The following KCNQ5 variants were observed in gnomAD, a reference collection of about 807,000 sequenced individuals.
The protein encoded by KCNQ5 is potassium voltage-gated channel subfamily KQT member 5.
Under a neutral mutation model 98.2 loss-of-function variants are expected in KCNQ5, and 30 were observed. That is an observed-to-expected ratio of 0.31 (90% CI 0.23 to 0.41). The LOEUF is 0.41. Among genes scored for constraint, KCNQ5 ranks in the 10% least tolerant of loss-of-function variants. The pLI, the probability that KCNQ5 is intolerant of heterozygous loss-of-function variation, is 1.00. For missense variants in KCNQ5, 835 were observed against 1,182.5 expected (o/e 0.71, Z 4.31); for synonymous variants, 458 against 449.4 (o/e 1.02, Z -0.24).
At chr6:72,875,915 A>G (rs750831563) in intron 1 of KCNQ5, among the ~76,000 whole-genome samples, 7 of 151,928 alleles carry the variant, frequency 4.6e-5, no homozygotes, top group Non-Finnish European at 8.8e-5. Context: ...TTACATTTCT[A>G]TATTTTTATT....
At chr6:72,923,884 A>G (rs757200006) in intron 1 of KCNQ5, among the ~76,000 whole-genome samples, 3 of 152,174 alleles carry the variant, frequency 2.0e-5, no homozygotes, top group Non-Finnish European at 4.4e-5. Context: ...CATTTGAGTT[A>G]TACAATATTT....
Position 72,887,298 on chromosome 6 carries a change from A to T in KCNQ5, c.399-116610A>T, listed in dbSNP as rs9442864. On this transcript the variant is annotated intron_variant, in intron 1 of 13. Transcript: ENST00000370398. ...ACATCTTACTTGGATGGCAGCAGGC[A>T]AAGAGAGAACTTGTGCAGGGAAACT... Among the ~76,000 whole-genome samples, 815 of 152,270 alleles carry T rather than the reference A, an allele frequency of 5.4e-3. 8 individuals are homozygous for T. The highest frequency in any genetic ancestry group is 0.019 in the African/African-American group (783 of 41,550).
intron 1 of KCNQ5, among the ~76,000 whole-genome samples, chr6:72,925,040 G>T (rs2150222295): frequency 6.6e-6 from 1 of 152,200 alleles, no homozygotes; most frequent in South Asian, 2.1e-4. Flanking sequence ...TCATAAAAAT[G>T]TTTATGTTTA....
At chr6:73,137,230 G>A (rs1374476922) in intron 10 of KCNQ5, among the ~76,000 whole-genome samples, 2 of 151,998 alleles carry the variant, frequency 1.3e-5, no homozygotes, top group African/African-American at 2.4e-5. Flanking sequence ...AATATCCATG[G>A]CATTTTTCTC....
chr6:72,630,795 A>C (rs1439981775), intron 1 of KCNQ5, among the ~76,000 whole-genome samples: 1 of 152,204 alleles, frequency 6.6e-6, no homozygotes, highest in Non-Finnish European at 1.5e-5. Flanking sequence ...TTTATATGAT[A>C]AAGGTCTAGG....
At chr6:73,189,731 T>A (rs1582511568) in intron 11 of KCNQ5, among the ~76,000 whole-genome samples, 1 of 152,256 alleles carries the variant, frequency 6.6e-6, no homozygotes, top group East Asian at 1.9e-4. Context: ...CAGGAACTAG[T>A]TATCTTAGGC....
chr6:73,089,260 G>A (rs924053510), intron 5 of KCNQ5, among the ~76,000 whole-genome samples: 9 of 152,196 alleles, frequency 5.9e-5, no homozygotes, highest in Non-Finnish European at 1.3e-4. Flanking sequence ...TATCATTTCA[G>A]GTATTGATAC....
intron 3 of KCNQ5, among the ~76,000 whole-genome samples, chr6:73,067,648 G>C (rs1003642628): frequency 6.6e-6 from 1 of 152,104 alleles, no homozygotes; most frequent in African/African-American, 2.4e-5. Context: ...ATGAAATAAA[G>C]TCTGTGTACT....
chr6:72,754,474 A>G (rs1771855055), intron 1 of KCNQ5, among the ~76,000 whole-genome samples: 1 of 152,120 alleles, frequency 6.6e-6, no homozygotes, highest in Non-Finnish European at 1.5e-5. Flanking sequence ...TTGCTCCCCA[A>G]ACGACATTGG....
intron 1 of KCNQ5, among the ~76,000 whole-genome samples, chr6:72,888,124 T>C (rs1198433341): frequency 1.3e-5 from 2 of 152,126 alleles, no homozygotes; most frequent in African/African-American, 4.8e-5. Flanking sequence ...AGACGGTTAA[T>C]ACATAAAGTA....
intron 1 of KCNQ5, among the ~76,000 whole-genome samples, chr6:72,922,807 T>C (rs1402892167): frequency 8.3e-6 from 1 of 120,710 alleles, no homozygotes; most frequent in Non-Finnish European, 1.7e-5. Context: ...TCTTTTTCTT[T>C]TTCTTTTTTT....
At chr6:73,048,643 T>A (rs1047690868) in intron 3 of KCNQ5, among the ~76,000 whole-genome samples, 2 of 152,184 alleles carry the variant, frequency 1.3e-5, no homozygotes, top group Non-Finnish European at 2.9e-5. Context: ...TGTTGGAACT[T>A]CATATCAGCA....
intron 2 of KCNQ5, among the ~76,000 whole-genome samples, chr6:73,016,229 G>A (rs531335900): frequency 2.0e-5 from 3 of 152,230 alleles, no homozygotes; most frequent in Admixed American, 6.5e-5. Flanking sequence ...ATGAGGCGAT[G>A]AGGCATGCAA....
intron 1 of KCNQ5, among the ~76,000 whole-genome samples, chr6:72,891,998 T>G (rs1171803875): frequency 6.6e-6 from 1 of 152,174 alleles, no homozygotes; most frequent in African/African-American, 2.4e-5. Flanking sequence ...GGGTCATTTT[T>G]ACTGTGTGTA....
At chr6:72,848,363 T>G (rs560808584) in intron 1 of KCNQ5, among the ~76,000 whole-genome samples, 164 of 152,266 alleles carry the variant, frequency 1.1e-3, no homozygotes, top group African/African-American at 3.8e-3. Context: ...CTCATCCCCC[T>G]ACCCCCGACA....
At chr6:73,031,477 A>G (rs1220941130) in intron 2 of KCNQ5, among the ~76,000 whole-genome samples, 2 of 152,352 alleles carry the variant, frequency 1.3e-5, no homozygotes, top group Non-Finnish European at 2.9e-5. Context: ...ATAATAAAAC[A>G]GTATGCTAAT....
Position 73,077,438 on chromosome 6 carries a change from A to G in KCNQ5, c.733A>G (p.Met245Val). ...CCTACAGATCCTCCGCATGGTGCGC[A>G]TGGACCGAAGGGGAGGCACTTGGAA... ...RFLQILRMVR[M>V]DRRGGTWKLL... The change falls in exon 4 of 14, where the codon ATG becomes GTG. Residue 245 changes from methionine to valine, a missense_variant. By Grantham distance (21) the Met-to-Val change is conservative. This residue lies in a region of KCNQ5 where 48 missense variants were observed against 112.1 expected (regional missense o/e 0.43). Coordinates refer to ENST00000370398, the MANE Select transcript of KCNQ5 (RefSeq NM_019842.4). 6.2e-7 allele frequency: 1 copy of G among 1,614,178 alleles called. No individual in the cohort carries two copies.
intron 5 of KCNQ5, among the ~76,000 whole-genome samples, chr6:73,090,412 T>A (rs1409601195): frequency 6.6e-6 from 1 of 152,220 alleles, no homozygotes; most frequent in Non-Finnish European, 1.5e-5. Flanking sequence ...CTCTTTAGTT[T>A]AATTAAGTAC....
At chr6:73,143,329 A>AT (rs1229573911) in intron 10 of KCNQ5, 1 of 152,190 alleles carries the variant, frequency 6.6e-6, no homozygotes, top group Non-Finnish European at 1.5e-5. Context: ...TTCCTTAGCC[A>AT]TTAACTCGTA....
Sources: gnomAD v4.1 joint callset for allele counts (sites outside exome capture counted in the v4.1 genomes callset) on GRCh38, gnomAD v4.1.1 for gene constraint, gnomAD v4.1.1 regional missense constraint, MANE v1.5 for transcripts, NCBI Gene and HGNC (gene_info 2026-07-23, HGNC 2026-07-21) for gene names.